The following CNTN1 variants were observed in gnomAD, a reference collection of about 807,000 sequenced individuals.
The protein encoded by CNTN1 is contactin-1.
A neutral mutation model predicts 126.4 loss-of-function variants in CNTN1; 38 were observed. The observed-to-expected ratio is 0.30, with a 90% CI of 0.23 to 0.39. The LOEUF is 0.39. CNTN1 is among the 10% of genes least tolerant of loss of function. The probability of loss-of-function intolerance (pLI) is 1.00; values close to 1 mark genes in which losing one functional copy is unlikely to be tolerated. For synonymous variants in CNTN1, 413 were observed against 422.6 expected, an observed-to-expected ratio of 0.98 and a Z score of 0.28; for missense variants, 1,009 against 1,248.4, an observed-to-expected ratio of 0.81 and a Z score of 2.89.
At chr12:41,029,303 T>C in intron 23 of CNTN1, 84 bp downstream of exon 23, 2 of 1,438,084 alleles carry the variant, frequency 1.4e-6, no homozygotes, top group Non-Finnish European at 2.0e-6. Context: ...GGGATAAGCC[T>C]GATACACCAG....
chr12:40,924,732 A>G (rs540959289), intron 6 of CNTN1, 80 bp downstream of exon 6: 2 of 761,908 alleles, frequency 2.6e-6, no homozygotes, highest in East Asian at 2.6e-5. Context: ...ATAATGCTAC[A>G]TTATTAATAA....
In CNTN1 at chr12:40,724,840, T is replaced by C. The variant is rs1410192900; in HGVS notation, c.-77+32248T>C. 2.6e-5 allele frequency among the ~76,000 whole-genome samples: 4 copies of C among 152,226 alleles called. No individual in the cohort carries two copies. The South Asian group carries it at 6.2e-4, about 24-fold the overall frequency. The stretch of plus-strand genomic sequence containing the variant: ...TGGATGAGAAAATACTCTGAAACAA[T>C]GAGAGATTGTGTGGAATGAAAAGCA... On this transcript the variant is annotated intron_variant, in intron 1 of 23. Transcript: ENST00000551295.
In CNTN1 at chr12:40,929,943, G is replaced by A. The variant is rs1555182848; in HGVS notation, c.644G>A (p.Ser215Asn). The A allele has an allele frequency of 3.1e-6, 5 of 1,612,868 alleles. No homozygotes were observed. The highest frequency in any genetic ancestry group is 2.2e-5 in the East Asian group (1 of 44,848). The change falls in exon 7 of 24, where the codon AGT (serine) becomes AAT (asparagine). Residue 215 changes from serine to asparagine, a missense_variant. Coordinates refer to ENST00000551295, the MANE Select transcript of CNTN1 (RefSeq NM_001843.4). ...GGCAATTATTCCTGCTTTGTTTCCAGTCCTTCTATTACAAAGAGCGTGTTC... is the reference window on the plus strand; with the variant it reads ...GGCAATTATTCCTGCTTTGTTTCCAATCCTTCTATTACAAAGAGCGTGTTC... ...DKGNYSCFVSSPSITKSVFSK... is the reference protein window; with the variant it reads ...DKGNYSCFVSNPSITKSVFSK...
chr12:40,833,351 C>T (rs1054322048), intron 1 of CNTN1, among the ~76,000 whole-genome samples: 3 of 152,138 alleles, frequency 2.0e-5, no homozygotes, highest in Non-Finnish European at 4.4e-5. Flanking sequence ...CCACCCCAGC[C>T]TCCCAAAGTG....
intron 1 of CNTN1, among the ~76,000 whole-genome samples, chr12:40,880,413 G>T (rs925758498): frequency 2.0e-5 from 3 of 151,898 alleles, no homozygotes; most frequent in Admixed American, 2.0e-4. Context: ...TGGTTATAAA[G>T]AAAATAATAA....
chr12:40,693,034 TG>T (rs949546662), intron 1 of CNTN1, among the ~76,000 whole-genome samples: 1 of 152,184 alleles, frequency 6.6e-6, no homozygotes, highest in African/African-American at 2.4e-5. Flanking sequence ...CCATCCCACC[TG>T]GGCGCCTGGC....
chr12:41,034,906 GATT>G (rs1323529042), intron 23 of CNTN1, among the ~76,000 whole-genome samples: 2 of 152,204 alleles, frequency 1.3e-5, no homozygotes, highest in African/African-American at 4.8e-5. Context: ...TAGCCTTGAT[GATT>G]ATTAACATAA....
chr12:40,758,132 A>G (rs1469052465), intron 1 of CNTN1, among the ~76,000 whole-genome samples: 2 of 150,708 alleles, frequency 1.3e-5, no homozygotes, highest in Non-Finnish European at 3.0e-5. Context: ...ATTATCTAGT[A>G]TGATTCTAAT....
chr12:40,705,376 A>G (rs368244554), intron 1 of CNTN1, among the ~76,000 whole-genome samples: 10 of 152,106 alleles, frequency 6.6e-5, no homozygotes, highest in Non-Finnish European at 1.3e-4. Flanking sequence ...GCGTATGCTT[A>G]TATACTTTAC....
intron 14 of CNTN1, among the ~76,000 whole-genome samples, chr12:40,948,258 C>CTTTTTTTTTTTTTTT (rs58087551): frequency 4.8e-5 from 3 of 62,692 alleles, no homozygotes; most frequent in African/African-American, 6.5e-5. Flanking sequence ...TTCTTTCTTT[C>CTTTTTTTTTTTTTTT]TTTTTTTTTT....
At chr12:41,018,410 G>A (rs17624000) in intron 19 of CNTN1, among the ~76,000 whole-genome samples, 36,550 of 151,716 alleles carry the variant, frequency 0.24, 4,465 homozygotes, top group Middle Eastern at 0.29. Context: ...TATATTCATC[G>A]GTCACAGAAT....
intron 1 of CNTN1, among the ~76,000 whole-genome samples, chr12:40,810,398 C>A (rs977466967): frequency 3.9e-5 from 6 of 152,146 alleles, no homozygotes; most frequent in Non-Finnish European, 8.8e-5. Flanking sequence ...GCTGACAATA[C>A]TTAAGATCTA....
intron 1 of CNTN1, among the ~76,000 whole-genome samples, chr12:40,773,676 C>CATATAT (rs1320206131): frequency 7.0e-4 from 8 of 11,482 alleles, no homozygotes; most frequent in Admixed American, 1.3e-3. Context: ...TATATATACA[C>CATATAT]ATATATATAT....
intron 23 of CNTN1, among the ~76,000 whole-genome samples, chr12:41,059,675 T>A (rs1949898160): frequency 6.6e-6 from 1 of 152,096 alleles, no homozygotes; most frequent in Admixed American, 6.5e-5. Context: ...AAATAAATGT[T>A]GTAATGTGTC....
intron 1 of CNTN1, among the ~76,000 whole-genome samples, chr12:40,830,573 G>A (rs909649391): frequency 3.3e-5 from 5 of 150,648 alleles, no homozygotes; most frequent in African/African-American, 1.2e-4. Context: ...TGAAGTAACA[G>A]GTTTACTAAT....
At chr12:40,845,653 G>A (rs1942472460) in intron 1 of CNTN1, among the ~76,000 whole-genome samples, 1 of 152,144 alleles carries the variant, frequency 6.6e-6, no homozygotes, top group Non-Finnish European at 1.5e-5. Flanking sequence ...CCACCCGCCA[G>A]CCTCTGGAGA....
intron 5 of CNTN1, among the ~76,000 whole-genome samples, chr12:40,923,676 C>T (rs953308951): frequency 6.6e-6 from 1 of 152,058 alleles, no homozygotes; most frequent in African/African-American, 2.4e-5. Context: ...ATGGTTGCTT[C>T]ACATGCAGAG....
rs1191445601 is a variant in CNTN1, at chr12:40,974,436, CATAAAAATAAAAA to C, written c.1805-6452_1805-6440del. On this transcript the variant is annotated intron_variant, in intron 15 of 23. Transcript: ENST00000551295. ...AGGCAACGTGGTGAAACCTCATCTC[CATAAAAATAAAAA>C]ATAAAAATAAAAAATAAAAAAAAGC... is the stretch of plus-strand genomic sequence containing the variant. Among the ~76,000 whole-genome samples the C allele has an allele frequency of 4.6e-5, 7 of 150,740 alleles. No individual in the cohort carries two copies. The East Asian group carries it at 5.9e-4, about 13-fold the overall frequency.
chr12:40,752,007 G>A (rs1333128627), intron 1 of CNTN1, among the ~76,000 whole-genome samples: 1 of 151,954 alleles, frequency 6.6e-6, no homozygotes, highest in Non-Finnish European at 1.5e-5. Context: ...CTACTGGAGT[G>A]AATTTTTTTC....
Sources: allele counts gnomAD v4.1 joint callset (sites outside exome capture counted in the v4.1 genomes callset), GRCh38; gene constraint gnomAD v4.1.1; transcripts MANE v1.5; gene names NCBI Gene and HGNC (gene_info 2026-07-23, HGNC 2026-07-21).